Variants in CSNK1G1 observed in about 807,000 individuals in gnomAD.
CSNK1G1 encodes casein kinase I isoform gamma-1.
In CSNK1G1, 22 loss-of-function variants were observed where a neutral mutation model predicts 59.6. That is an observed-to-expected ratio of 0.37 (90% CI 0.26 to 0.53). The LOEUF is 0.53. Ranked by LOEUF, CSNK1G1 falls within the 20% of genes least tolerant of loss-of-function variation. The pLI is 0.89. For missense variants in CSNK1G1, 384 were observed against 519.5 expected (o/e 0.74, Z 2.54); for synonymous variants, 179 against 177.1 (o/e 1.01, Z -0.08).
chr15:64,294,322 C>T (rs776207433), intron 2 of CSNK1G1, among the ~76,000 whole-genome samples: 2 of 152,040 alleles, frequency 1.3e-5, no homozygotes, highest in Non-Finnish European at 2.9e-5. Context: ...GATCCGCCCA[C>T]CTCGGCCTCT....
intron 3 of CSNK1G1, among the ~76,000 whole-genome samples, chr15:64,255,189 G>T (rs923985991): frequency 3.3e-5 from 5 of 152,190 alleles, no homozygotes; most frequent in Middle Eastern, 3.4e-3. Context: ...CAATTCTTCT[G>T]CCTCAGCCTC....
chr15:64,248,106 T>C (rs1303844775), intron 4 of CSNK1G1, among the ~76,000 whole-genome samples: 2 of 152,226 alleles, frequency 1.3e-5, no homozygotes. Flanking sequence ...TTATTTACAA[T>C]GCTGCAACAT....
At chr15:64,238,515 AAAAATATATAT>A (rs2082647267) in intron 4 of CSNK1G1, among the ~76,000 whole-genome samples, 2 of 122,768 alleles carry the variant, frequency 1.6e-5, no homozygotes, top group African/African-American at 7.0e-5. Context: ...AAAAAAAAAA[AAAAATATATAT>A]ATATATATAT....
chr15:64,173,933 C>A (rs773238127), intron 11 of CSNK1G1, among the ~76,000 whole-genome samples: 5 of 152,014 alleles, frequency 3.3e-5, no homozygotes, highest in Non-Finnish European at 7.4e-5. Context: ...TTTTTCTATA[C>A]GTAATGCTTT....
Position 64,204,935 on chromosome 15 carries a change from T to A in CSNK1G1, c.780A>T (p.Lys260Asn). 6.2e-7 allele frequency: 1 copy of A among 1,600,990 alleles called. No homozygotes were observed. The highest frequency in any genetic ancestry group is 8.6e-7 in the Non-Finnish European group (1 of 1,168,200). ...TGTCACCAATTTTTTGATATCTCTC[T>A]TTTAATGTGTCAGCCTGTAGAGAGT... ...PWQGLKADTL[K>N]ERYQKIGDTK... is the part of the protein sequence containing the mutation. The change falls in exon 8 of 12, where the codon AAA becomes AAT. Residue 260 changes from lysine to asparagine, a missense_variant. Physicochemically the swap from Lys to Asn is moderately conservative, Grantham distance 94. Coordinates refer to ENST00000303052, the MANE Select transcript of CSNK1G1 (RefSeq NM_022048.5).
chr15:64,265,858 A>C (rs1252695649), intron 2 of CSNK1G1: 8 of 456,098 alleles, frequency 1.8e-5, no homozygotes, highest in African/African-American at 1.2e-4. Context: ...CCAAGGCAGG[A>C]GGATCATTTC....
intron 9 of CSNK1G1, among the ~76,000 whole-genome samples, chr15:64,203,999 C>T (rs1053876053): frequency 2.0e-5 from 3 of 151,682 alleles, no homozygotes; most frequent in East Asian, 2.0e-4. Flanking sequence ...AAAAATTAGC[C>T]GGGCGTGGTG....
intron 1 of CSNK1G1, among the ~76,000 whole-genome samples, chr15:64,340,051 T>C (rs1897604699): frequency 6.6e-6 from 1 of 152,244 alleles, no homozygotes; most frequent in South Asian, 2.1e-4. Flanking sequence ...TGTGTTCTTT[T>C]AAATTTCCAA....
At chr15:64,305,465 C>T (rs4777101) in intron 1 of CSNK1G1, among the ~76,000 whole-genome samples, 52,247 of 151,776 alleles carry the variant, frequency 0.34, 10,188 homozygotes, top group East Asian at 0.84. Flanking sequence ...TCTGTAATCC[C>T]AGTGTGTTGG....
chr15:64,208,651 A>G (rs1343663788), intron 6 of CSNK1G1, among the ~76,000 whole-genome samples: 1 of 152,144 alleles, frequency 6.6e-6, no homozygotes, highest in African/African-American at 2.4e-5. Flanking sequence ...CTTCTGCCTC[A>G]GCTGAGTAGC....
Position 64,216,466 on chromosome 15 carries a change from T to G in CSNK1G1, c.444+96A>C. ...CATCAAGCCTGTGAGTACTAATTCT[T>G]GATGTGTTGCTACGGCTAGTAAATC... On this transcript the variant is annotated intron_variant, in intron 5 of 11. Transcript: ENST00000303052. The surrounding 1 kb of genome is among the most constrained non-coding windows in gnomAD (Gnocchi z 4.6). 1 of 1,238,286 alleles carries G rather than the reference T, an allele frequency of 8.1e-7. No individual in the cohort carries two copies. Among genetic ancestry groups the G allele is most frequent in the Non-Finnish European group, 1.1e-6 (1 of 872,930 alleles). 76.7% of individuals were successfully genotyped at this position (1,238,286 alleles called of 1,614,324 possible).
intron 11 of CSNK1G1, among the ~76,000 whole-genome samples, chr15:64,178,567 T>G (rs1052880949): frequency 6.9e-6 from 1 of 145,688 alleles, no homozygotes; most frequent in African/African-American, 2.6e-5. Context: ...CCACAACCCC[T>G]GCCTCCTGGG....
At chr15:64,229,569 A>G (rs1385454856) in intron 4 of CSNK1G1, among the ~76,000 whole-genome samples, 2 of 151,808 alleles carry the variant, frequency 1.3e-5, no homozygotes, top group East Asian at 3.9e-4. Flanking sequence ...CGCTAAACTG[A>G]AAGCAGCTCA....
At chr15:64,213,767 A>G in intron 6 of CSNK1G1, 123 bp downstream of exon 6, 1 of 699,662 alleles carries the variant, frequency 1.4e-6, no homozygotes, top group South Asian at 1.9e-5. Context: ...CATGTATAAA[A>G]ATCACTCAAC....
chr15:64,190,091 A>G (rs545664480), intron 10 of CSNK1G1, among the ~76,000 whole-genome samples: 2 of 152,262 alleles, frequency 1.3e-5, no homozygotes, highest in South Asian at 4.1e-4. Flanking sequence ...AAGTGCTGGG[A>G]TTACAGGCGT....
chr15:64,236,185 TG>T (rs1167570528), intron 4 of CSNK1G1, among the ~76,000 whole-genome samples: 5 of 150,724 alleles, frequency 3.3e-5, no homozygotes, highest in Non-Finnish European at 4.4e-5. Flanking sequence ...AAGAAAATAG[TG>T]AGGAAAAGTT....
chr15:64,314,363 G>T (rs2140427577), intron 1 of CSNK1G1, among the ~76,000 whole-genome samples: 1 of 152,010 alleles, frequency 6.6e-6, no homozygotes, highest in African/African-American at 2.4e-5. Context: ...ATTGTATGTT[G>T]ACAATTTATA....
chr15:64,236,369 G>A (rs1221213411), intron 4 of CSNK1G1, among the ~76,000 whole-genome samples: 1 of 152,080 alleles, frequency 6.6e-6, no homozygotes, highest in Non-Finnish European at 1.5e-5. Context: ...ATAACCTGTT[G>A]AATGGGAGAA....
At chr15:64,256,313 A>G (rs1340992484) in intron 3 of CSNK1G1, among the ~76,000 whole-genome samples, 1 of 152,236 alleles carries the variant, frequency 6.6e-6, no homozygotes, top group Non-Finnish European at 1.5e-5. Context: ...TATACTCTCA[A>G]TCTTCATGCT....
Sources: gnomAD v4.1 joint callset for allele counts (sites outside exome capture counted in the v4.1 genomes callset) on GRCh38, gnomAD v4.1.1 for gene constraint, Gnocchi (gnomAD v3.1) non-coding constraint, MANE v1.5 for transcripts, NCBI Gene and HGNC (gene_info 2026-07-23, HGNC 2026-07-21) for gene names.